Variants in MRPS28 observed in about 807,000 individuals in gnomAD.
MRPS28 encodes mitochondrial ribosomal protein S28.
MRPS28 carries 7 observed loss-of-function variants against 10.8 expected under a neutral mutation model. That is an observed-to-expected ratio of 0.65 (90% CI 0.37 to 1.22). The LOEUF (loss-of-function observed/expected upper bound fraction) is 1.22, where lower values mean the gene tolerates loss of function less well. Among genes scored for constraint, MRPS28 ranks in the 50% most tolerant of loss-of-function variants. MRPS28 has a pLI of 0.02. For missense variants in MRPS28, 265 were observed against 232.9 expected (o/e 1.14, Z -0.90); for synonymous variants, 121 against 93.3 (o/e 1.30, Z -1.71).
intron 2 of MRPS28, among the ~76,000 whole-genome samples, chr8:79,962,368 G>C (rs766808820): frequency 1.3e-5 from 2 of 152,132 alleles, no homozygotes; most frequent in Non-Finnish European, 2.9e-5. Flanking sequence ...CAGGACTCTG[G>C]TTCAAAGGGC....
chr8:80,001,013 T>C (rs1808647374), intron 2 of MRPS28, among the ~76,000 whole-genome samples: 1 of 152,182 alleles, frequency 6.6e-6, no homozygotes, highest in Non-Finnish European at 1.5e-5. Context: ...CGGAATTCCA[T>C]CCTCACATAT....
At chr8:79,991,728 G>C (rs1037315025) in intron 2 of MRPS28, among the ~76,000 whole-genome samples, 2 of 152,142 alleles carry the variant, frequency 1.3e-5, no homozygotes, top group African/African-American at 4.8e-5. Context: ...TTCACACACA[G>C]AAATTAAATA....
chr8:79,970,004 C>T (rs1807590279), intron 2 of MRPS28, among the ~76,000 whole-genome samples: 1 of 152,120 alleles, frequency 6.6e-6, no homozygotes, highest in African/African-American at 2.4e-5. Flanking sequence ...TTGGATATAG[C>T]AATAAACAAA....
intron 2 of MRPS28, chr8:79,958,520 C>G: frequency 1.7e-6 from 1 of 571,598 alleles, no homozygotes; most frequent in Non-Finnish European, 3.1e-6. Flanking sequence ...ATTTGGTACA[C>G]TAACAATTTT....
chr8:79,961,633 C>A (rs1807375045), intron 2 of MRPS28, among the ~76,000 whole-genome samples: 1 of 152,058 alleles, frequency 6.6e-6, no homozygotes, highest in South Asian at 2.1e-4. Flanking sequence ...ACCTATGCAC[C>A]ACCACAATAT....
At chr8:79,926,806 T>A (rs985355288) in intron 2 of MRPS28, among the ~76,000 whole-genome samples, 3 of 152,188 alleles carry the variant, frequency 2.0e-5, no homozygotes, top group African/African-American at 7.2e-5. Flanking sequence ...CTGTGGAATA[T>A]TTTTAAAGTT....
chr8:79,946,575 G>A (rs1346055777), intron 2 of MRPS28, among the ~76,000 whole-genome samples: 3 of 151,788 alleles, frequency 2.0e-5, no homozygotes, highest in Non-Finnish European at 2.9e-5. Flanking sequence ...TAGCTTACTT[G>A]GGGAAAAAAA....
chr8:79,972,127 T>C (rs917702945), intron 2 of MRPS28, among the ~76,000 whole-genome samples: 2 of 152,038 alleles, frequency 1.3e-5, no homozygotes, highest in African/African-American at 4.8e-5. Context: ...AAATAGAAAA[T>C]ATTCAGGAAT....
chr8:80,026,329 A>C (rs1196593952), intron 1 of MRPS28, among the ~76,000 whole-genome samples: 3 of 152,196 alleles, frequency 2.0e-5, no homozygotes, highest in East Asian at 1.9e-4. Context: ...AACTAAAACT[A>C]ATGTGGTATT....
chr8:79,927,261 C>T (rs75296311), intron 2 of MRPS28, among the ~76,000 whole-genome samples: 380 of 152,264 alleles, frequency 2.5e-3, no homozygotes, highest in African/African-American at 8.7e-3. Context: ...GACCAAAAGA[C>T]GTAAGATTTT....
intron 1 of MRPS28, among the ~76,000 whole-genome samples, chr8:80,015,098 A>G (rs1037715932): frequency 1.3e-5 from 2 of 152,194 alleles, no homozygotes; most frequent in African/African-American, 2.4e-5. Flanking sequence ...AAAACTCCAG[A>G]GAGACTCAGT....
chr8:79,955,585 C>T (rs1214010759), intron 2 of MRPS28, among the ~76,000 whole-genome samples: 3 of 152,116 alleles, frequency 2.0e-5, no homozygotes, highest in Non-Finnish European at 4.4e-5. Flanking sequence ...CAAGATTCTT[C>T]CAGCTTCCAT....
intron 2 of MRPS28, among the ~76,000 whole-genome samples, chr8:79,975,556 C>A (rs968708970): frequency 1.3e-5 from 2 of 151,794 alleles, no homozygotes; most frequent in Admixed American, 1.3e-4. Flanking sequence ...GTGATAAATA[C>A]AAAAGACTAA....
At chr8:79,947,284 T>C (rs1011939123) in intron 2 of MRPS28, among the ~76,000 whole-genome samples, 1 of 152,188 alleles carries the variant, frequency 6.6e-6, no homozygotes, top group Non-Finnish European at 1.5e-5. Flanking sequence ...AAAGCCCTGA[T>C]CTATAGTGGC....
chr8:80,002,881 CA>C lies in MRPS28; in HGVS notation c.395+117del, dbSNP rs553414305. On this transcript the variant is annotated intron_variant, in intron 2 of 2. Coordinates refer to ENST00000276585, the MANE Select transcript of MRPS28 (RefSeq NM_014018.3). Reference sequence around the variant, plus strand: ...ACTTCAGACTTTACTGCAGCATTATCAAGACAAATAAATATGTTTTCTGTCT... The same window carrying C: ...ACTTCAGACTTTACTGCAGCATTATCAGACAAATAAATATGTTTTCTGTCT... 43 of 892,436 alleles carry C rather than the reference CA, an allele frequency of 4.8e-5. 1 individual carries two copies. In the African/African-American group the frequency reaches 6.3e-4, roughly 13 times the overall value. The allele number at this position is 892,436 out of a possible 1,614,324, so 55.3% of individuals were successfully genotyped here. A position where few individuals can be genotyped will look rare whatever the true frequency, so the allele number is the denominator to read the frequency against.
intron 2 of MRPS28, among the ~76,000 whole-genome samples, chr8:79,959,318 T>C (rs904128149): frequency 4.6e-5 from 7 of 152,004 alleles, no homozygotes; most frequent in African/African-American, 1.2e-4. Context: ...AAAAAAGCTA[T>C]AAAATATGAA....
chr8:80,019,383 TA>T (rs1809295586), intron 1 of MRPS28, among the ~76,000 whole-genome samples: 1 of 149,388 alleles, frequency 6.7e-6, no homozygotes, highest in Admixed American at 6.7e-5. Flanking sequence ...ATCAATTGGC[TA>T]AAGAAGAAAA....
chr8:79,951,071 C>T (rs1807065896), intron 2 of MRPS28, among the ~76,000 whole-genome samples: 1 of 152,164 alleles, frequency 6.6e-6, no homozygotes, highest in South Asian at 2.1e-4. Context: ...AAATATGTGA[C>T]CAGTGCAGTC....
In MRPS28 at chr8:79,953,807, C is replaced by T. The variant is rs916310939; in HGVS notation, c.396-34659G>A. Among the ~76,000 whole-genome samples the T allele has an allele frequency of 4.0e-5, 6 of 151,766 alleles. No homozygotes were observed. In the East Asian group the frequency reaches 1.2e-3, roughly 29 times the overall value. On this transcript the variant is annotated intron_variant, in intron 2 of 2. Coordinates refer to ENST00000276585, the MANE Select transcript of MRPS28 (RefSeq NM_014018.3). ...TAAGTAACCAAGAAAGGGTTGCTAC[C>T]CAGATATATAAAGAAATGCTACAAG... is the stretch of plus-strand genomic sequence containing the variant.
Sources: gnomAD v4.1 joint callset for allele counts (sites outside exome capture counted in the v4.1 genomes callset) on GRCh38, gnomAD v4.1.1 for gene constraint, MANE v1.5 for transcripts, NCBI Gene and HGNC (gene_info 2026-07-23, HGNC 2026-07-21) for gene names.